The following PPFIBP2 variants were observed in gnomAD, a reference collection of about 807,000 sequenced individuals.
PPFIBP2 encodes liprin-beta-2.
Under a neutral mutation model 118.3 loss-of-function variants are expected in PPFIBP2, and 118 were observed. The ratio of observed to expected loss-of-function variants is 1.00; its 90% CI spans 0.86 to 1.16. The LOEUF is 1.16. Among genes scored for constraint, PPFIBP2 ranks in the 50% most tolerant of loss-of-function variants. PPFIBP2 has a pLI of 0.00. For synonymous variants in PPFIBP2, 414 were observed against 397.4 expected (o/e 1.04, Z -0.50); for missense variants, 1,195 against 1,073.1 (o/e 1.11, Z -1.59).
chr11:7,518,914 T>C (rs954798900), intron 1 of PPFIBP2, among the ~76,000 whole-genome samples: 2 of 152,072 alleles, frequency 1.3e-5, no homozygotes, highest in Non-Finnish European at 2.9e-5. Context: ...TCGTTCCTGC[T>C]GAGGGTTTGA....
chr11:7,538,841 G>T (rs903689620), intron 1 of PPFIBP2, among the ~76,000 whole-genome samples: 1 of 152,076 alleles, frequency 6.6e-6, no homozygotes, highest in Non-Finnish European at 1.5e-5. Flanking sequence ...TAGATTCAGG[G>T]CCCTTTCTGC....
chr11:7,659,474 T>G (rs184174337), downstream of PPFIBP2, among the ~76,000 whole-genome samples: 1,098 of 150,282 alleles, frequency 7.3e-3, 26 homozygotes, highest in African/African-American at 0.025. Flanking sequence ...GCGTTATTTC[T>G]GAGGGCTCTG....
At chr11:7,547,524 T>A (rs1852455410) in intron 1 of PPFIBP2, among the ~76,000 whole-genome samples, 1 of 152,198 alleles carries the variant, frequency 6.6e-6, no homozygotes, top group African/African-American at 2.4e-5. Context: ...GTCTGCAGAT[T>A]GTTTCCTTCC....
Position 7,631,023 on chromosome 11 carries a change from C to G in PPFIBP2, c.1063C>G (p.Gln355Glu). 1 of 1,611,544 alleles carries G rather than the reference C, an allele frequency of 6.2e-7. No homozygotes were observed. The highest frequency in any genetic ancestry group is 1.1e-5 in the South Asian group (1 of 91,022). The change falls in exon 11 of 24, where the codon CAA becomes GAA. Residue 355 changes from glutamine to glutamate, a missense_variant. Coordinates refer to ENST00000299492, the MANE Select transcript of PPFIBP2 (RefSeq NM_003621.5). ...TNKDPEELFK[Q>E]EMPPRCSSPT... ...TAAGGACCCTGAAGAATTATTTAAA[C>G]AAGAGGTACTGTGTTTCCATCCATG...
At chr11:7,640,110 C>G (rs758745320) in intron 15 of PPFIBP2, among the ~76,000 whole-genome samples, 7 of 152,122 alleles carry the variant, frequency 4.6e-5, no homozygotes, top group Non-Finnish European at 4.4e-5. Flanking sequence ...TCCCCTACTT[C>G]TTTTCGGCTG....
intron 5 of PPFIBP2, chr11:7,606,111 C>A: frequency 7.3e-7 from 1 of 1,362,372 alleles, no homozygotes; most frequent in Non-Finnish European, 9.7e-7. Context: ...AGAGCACTGT[C>A]TTAGAATAGC....
At chr11:7,561,042 G>A (rs564395353) in intron 2 of PPFIBP2, among the ~76,000 whole-genome samples, 15 of 151,912 alleles carry the variant, frequency 9.9e-5, no homozygotes, top group Non-Finnish European at 2.1e-4. Context: ...GCTATACTGA[G>A]CTTTTGTTGT....
intron 1 of PPFIBP2, among the ~76,000 whole-genome samples, chr11:7,549,169 TAAC>T (rs1180901109): frequency 6.6e-6 from 1 of 152,164 alleles, no homozygotes; most frequent in Non-Finnish European, 1.5e-5. Context: ...GGTGAGGTGT[TAAC>T]AATTGCCGTC....
intron 1 of PPFIBP2, among the ~76,000 whole-genome samples, chr11:7,545,841 C>G (rs755865939): frequency 3.3e-5 from 5 of 152,202 alleles, no homozygotes; most frequent in African/African-American, 4.8e-5. Context: ...AGAAACCAAC[C>G]TGGTGATTAG....
chr11:7,609,297 G>A (rs941819532), intron 5 of PPFIBP2, among the ~76,000 whole-genome samples: 3 of 152,180 alleles, frequency 2.0e-5, no homozygotes, highest in African/African-American at 7.2e-5. Context: ...GCAGGATATC[G>A]TATATTTTCC....
chr11:7,556,100 C>T (rs529345656), intron 2 of PPFIBP2, among the ~76,000 whole-genome samples: 1 of 152,222 alleles, frequency 6.6e-6, no homozygotes, highest in South Asian at 2.1e-4. Flanking sequence ...ATAGAATTAA[C>T]ATATAAAAGC....
At chr11:7,563,721 T>TAG (rs1854609903) in intron 2 of PPFIBP2, among the ~76,000 whole-genome samples, 1 of 152,226 alleles carries the variant, frequency 6.6e-6, no homozygotes, top group Non-Finnish European at 1.5e-5. Flanking sequence ...TTCCACCACC[T>TAG]AAACCATATT....
chr11:7,533,868 C>T (rs1388383500), intron 1 of PPFIBP2, among the ~76,000 whole-genome samples: 4 of 152,244 alleles, frequency 2.6e-5, no homozygotes, highest in African/African-American at 9.6e-5. Flanking sequence ...CTGCAAAATG[C>T]AGCTTCTCTC....
intron 1 of PPFIBP2, among the ~76,000 whole-genome samples, chr11:7,529,474 C>T (rs527725820): frequency 6.6e-6 from 1 of 152,058 alleles, no homozygotes; most frequent in African/African-American, 2.4e-5. Flanking sequence ...TGAGAATAAC[C>T]GGGAGGCCTT....
intron 3 of PPFIBP2, among the ~76,000 whole-genome samples, chr11:7,590,690 T>A (rs948080448): frequency 2.6e-5 from 4 of 152,254 alleles, no homozygotes; most frequent in African/African-American, 7.2e-5. Context: ...ACAAGGTGCT[T>A]GCTGTGTATT....
chr11:7,594,877 A>G (rs183596576), intron 4 of PPFIBP2, among the ~76,000 whole-genome samples: 1 of 145,820 alleles, frequency 6.9e-6, no homozygotes, highest in Non-Finnish European at 1.5e-5. Context: ...ACATCGCATC[A>G]CTGTGCTCCA....
At chr11:7,582,152 T>G (rs1021793050) in intron 3 of PPFIBP2, among the ~76,000 whole-genome samples, 5 of 152,194 alleles carry the variant, frequency 3.3e-5, no homozygotes, top group African/African-American at 1.2e-4. Context: ...CAATGTATGT[T>G]AAGTGCTTAG....
intron 15 of PPFIBP2, chr11:7,641,054 C>A: frequency 7.8e-7 from 1 of 1,281,378 alleles, no homozygotes; most frequent in Non-Finnish European, 1.0e-6. Context: ...AGTGTCAGTG[C>A]CCCCGTATTA....
chr11:7,574,608 A>G (rs560952289), intron 3 of PPFIBP2, among the ~76,000 whole-genome samples: 26 of 152,316 alleles, frequency 1.7e-4, no homozygotes, highest in South Asian at 1.7e-3. Flanking sequence ...CTGTAAATCA[A>G]GTGAGGTGCC....
Sources: gnomAD v4.1 joint callset for allele counts (sites outside exome capture counted in the v4.1 genomes callset) on GRCh38, gnomAD v4.1.1 for gene constraint, MANE v1.5 for transcripts, NCBI Gene and HGNC (gene_info 2026-07-23, HGNC 2026-07-21) for gene names.